MAGI2: variants seen among roughly 807,000 people sequenced by gnomAD.
The protein encoded by MAGI2 is membrane associated guanylate kinase, WW and PDZ domain containing 2.
Under a neutral mutation model 133.3 loss-of-function variants are expected in MAGI2, and 35 were observed. The ratio of observed to expected loss-of-function variants is 0.26; its 90% CI spans 0.20 to 0.35. The LOEUF (loss-of-function observed/expected upper bound fraction) is 0.35, where lower values mean the gene tolerates loss of function less well. MAGI2 is among the 10% of genes least tolerant of loss of function. The pLI, the probability that MAGI2 is intolerant of heterozygous loss-of-function variation, is 1.00. For synonymous variants in MAGI2, 729 were observed against 710.6 expected (o/e 1.03, Z -0.41); for missense variants, 1,636 against 1,863.4 (o/e 0.88, Z 2.25).
intron 2 of MAGI2, among the ~76,000 whole-genome samples, chr7:78,982,022 C>A (rs1428121117): frequency 6.6e-6 from 1 of 151,738 alleles, no homozygotes; most frequent in African/African-American, 2.4e-5. Flanking sequence ...ACCTTCCCAC[C>A]TCAGGCAGGT....
At position 79,440,011 on chromosome 7, in the gene MAGI2, C is replaced by T. The variant is rs561048810; in HGVS notation, c.301+13009G>A. ...AGATGATCTTCATTTTTGCCAAATGCAAGGGAAACATTTCAAAGCTCATCT... is the reference window on the plus strand; with the variant it reads ...AGATGATCTTCATTTTTGCCAAATGTAAGGGAAACATTTCAAAGCTCATCT... On this transcript the variant is annotated intron_variant, in intron 1 of 21. Coordinates refer to ENST00000354212, the MANE Select transcript of MAGI2 (RefSeq NM_012301.4). Among the ~76,000 whole-genome samples the T allele has an allele frequency of 2.2e-4, 34 of 152,108 alleles. 1 individual carries two copies. Among genetic ancestry groups the T allele is most frequent in the Middle Eastern group, 3.4e-3 (1 of 294 alleles).
chr7:79,124,890 C>T, intron 1 of MAGI2: 1 of 243,074 alleles, frequency 4.1e-6, no homozygotes, highest in Non-Finnish European at 8.0e-6. Flanking sequence ...AACACCAAAC[C>T]CTCCAGGGGC....
In MAGI2 at chr7:78,155,383, G is replaced by A. The variant is rs1283802186; in HGVS notation, c.2845+4642C>T. On this transcript the variant is annotated intron_variant, in intron 16 of 21. Transcript: ENST00000354212. ...AATCCAAGCACTTTGGGAGGCCAAG[G>A]TGGACAGATCACTTGAGCCCAGGAG... Among the ~76,000 whole-genome samples the A allele has an allele frequency of 2.6e-5, 4 of 152,182 alleles. No homozygotes were observed. The East Asian group carries it at 7.7e-4, about 29-fold the overall frequency.
At chr7:79,172,907 A>G (rs950958103) in intron 1 of MAGI2, 40 of 152,204 alleles carry the variant, frequency 2.6e-4, no homozygotes, top group African/African-American at 9.1e-4. Context: ...GTAAAATGTG[A>G]TATTAATGGT....
chr7:79,439,334 T>C (rs1244354715), intron 1 of MAGI2, among the ~76,000 whole-genome samples: 1 of 152,140 alleles, frequency 6.6e-6, no homozygotes, highest in Non-Finnish European at 1.5e-5. Context: ...TGGATTCTAA[T>C]AACCACCCTC....
chr7:78,787,087 A>G (rs949279352), intron 2 of MAGI2, among the ~76,000 whole-genome samples: 1 of 151,902 alleles, frequency 6.6e-6, no homozygotes, highest in African/African-American at 2.4e-5. Flanking sequence ...AGCTGGGATT[A>G]CAGGTGTGCA....
chr7:78,680,151 CACAGCCTCTGAAAAATAAT>C (rs1815490637), intron 2 of MAGI2, among the ~76,000 whole-genome samples: 5 of 152,272 alleles, frequency 3.3e-5, no homozygotes, highest in Admixed American at 3.3e-4. Context: ...CTGTGCCACA[CACAGCCTCTGAAAAATAAT>C]GACGTGCTTA....
At chr7:78,895,324 T>C (rs1797117400) in intron 2 of MAGI2, among the ~76,000 whole-genome samples, 1 of 152,136 alleles carries the variant, frequency 6.6e-6, no homozygotes, top group South Asian at 2.1e-4. Context: ...TCCAGAACTG[T>C]TAGAAACAAA....
At chr7:78,176,509 C>T (rs901189675) in intron 14 of MAGI2, among the ~76,000 whole-genome samples, 6 of 152,072 alleles carry the variant, frequency 3.9e-5, no homozygotes, top group African/African-American at 1.4e-4. Flanking sequence ...GGAAGCGCCT[C>T]GGGGTTCCTG....
intron 1 of MAGI2, among the ~76,000 whole-genome samples, chr7:79,039,699 A>G (rs1014679829): frequency 3.3e-5 from 5 of 151,530 alleles, no homozygotes; most frequent in African/African-American, 1.2e-4. Context: ...GTGGGCAAAG[A>G]GGTTGGGTGC....
At chr7:78,729,858 A>C (rs1305381566) in intron 2 of MAGI2, among the ~76,000 whole-genome samples, 1 of 152,190 alleles carries the variant, frequency 6.6e-6, no homozygotes, top group Non-Finnish European at 1.5e-5. Context: ...ACAATTACTT[A>C]TCAGGGAAAA....
At chr7:78,511,816 C>T (rs914128266) in intron 4 of MAGI2, among the ~76,000 whole-genome samples, 1 of 151,252 alleles carries the variant, frequency 6.6e-6, no homozygotes, top group Non-Finnish European at 1.5e-5. Flanking sequence ...AGATATGAGG[C>T]TGGGCGCAGT....
chr7:78,391,892 A>T (rs1014263579), intron 6 of MAGI2, among the ~76,000 whole-genome samples: 1 of 152,212 alleles, frequency 6.6e-6, no homozygotes, highest in African/African-American at 2.4e-5. Context: ...TTGTGAAGTG[A>T]TAAATACATT....
chr7:78,337,073 A>C (rs1011569297), intron 9 of MAGI2, among the ~76,000 whole-genome samples: 1 of 152,208 alleles, frequency 6.6e-6, no homozygotes, highest in East Asian at 1.9e-4. Context: ...AAGCTTTTTA[A>C]CTGAAGGATG....
intron 7 of MAGI2, among the ~76,000 whole-genome samples, chr7:78,348,758 A>G (rs1459707661): frequency 6.6e-6 from 1 of 152,220 alleles, no homozygotes; most frequent in Non-Finnish European, 1.5e-5. Flanking sequence ...ACTCCACTTC[A>G]TCATTAAGAA....
intron 1 of MAGI2, among the ~76,000 whole-genome samples, chr7:79,230,756 G>T (rs1294108284): frequency 3.3e-5 from 5 of 152,030 alleles, no homozygotes; most frequent in Non-Finnish European, 5.9e-5. Flanking sequence ...TGTTCACTCT[G>T]ATGGTAGTTT....
At chr7:78,936,093 T>C (rs932328028) in intron 2 of MAGI2, among the ~76,000 whole-genome samples, 3 of 152,096 alleles carry the variant, frequency 2.0e-5, no homozygotes, top group Non-Finnish European at 4.4e-5. Context: ...ATTACATGAA[T>C]ATTAATTATT....
intron 3 of MAGI2, among the ~76,000 whole-genome samples, chr7:78,577,838 T>G (rs935213626): frequency 6.6e-6 from 1 of 152,140 alleles, no homozygotes; most frequent in Non-Finnish European, 1.5e-5. Flanking sequence ...TACGTGCAGG[T>G]CACAGGGGAT....
At chr7:79,269,208 A>G (rs1317917006) in intron 1 of MAGI2, among the ~76,000 whole-genome samples, 1 of 152,160 alleles carries the variant, frequency 6.6e-6, no homozygotes, top group Non-Finnish European at 1.5e-5. Flanking sequence ...CCAAGATAGA[A>G]ATGATCACTT....
Sources: gnomAD v4.1 joint callset for allele counts (sites outside exome capture counted in the v4.1 genomes callset) on GRCh38, gnomAD v4.1.1 for gene constraint, MANE v1.5 for transcripts, NCBI Gene and HGNC (gene_info 2026-07-23, HGNC 2026-07-21) for gene names.